VDAC3: variants seen among roughly 807,000 people sequenced by gnomAD.
VDAC3 encodes the protein non-selective voltage-gated ion channel VDAC3.
In VDAC3, 7 loss-of-function variants were observed where a neutral mutation model predicts 33.9. The observed-to-expected ratio is 0.21, with a 90% CI of 0.12 to 0.39. The LOEUF (loss-of-function observed/expected upper bound fraction) is 0.39. VDAC3 is among the 10% of genes least tolerant of loss of function. The pLI is 1.00. For missense variants in VDAC3, 261 were observed against 334.5 expected, an observed-to-expected ratio of 0.78 and a Z score of 1.71; for synonymous variants, 100 against 122.4, an observed-to-expected ratio of 0.82 and a Z score of 1.21.
intron 8 of VDAC3, among the ~76,000 whole-genome samples, chr8:42,404,279 G>A (rs1585954232): frequency 6.6e-6 from 1 of 152,150 alleles, no homozygotes; most frequent in Non-Finnish European, 1.5e-5. Context: ...TGTCACCCAA[G>A]TTCATGCCGT....
At chr8:42,402,702 A>C (rs1802435965) in intron 7 of VDAC3, among the ~76,000 whole-genome samples, 1 of 152,254 alleles carries the variant, frequency 6.6e-6, no homozygotes, top group Non-Finnish European at 1.5e-5. Flanking sequence ...TAATTTACTT[A>C]TGATGGCTAA....
At chr8:42,394,399 A>G in intron 3 of VDAC3, 121 bp downstream of exon 3, 1 of 870,692 alleles carries the variant, frequency 1.1e-6, no homozygotes, top group Non-Finnish European at 1.8e-6. Flanking sequence ...CACAAGATTT[A>G]AGGGGATAAC....
intron 3 of VDAC3, among the ~76,000 whole-genome samples, chr8:42,394,488 A>C (rs1474805784): frequency 6.6e-6 from 1 of 152,218 alleles, no homozygotes; most frequent in Non-Finnish European, 1.5e-5. Flanking sequence ...ACATATACAG[A>C]TGCATATACA....
At chr8:42,393,519 T>A (rs1802247528) in intron 1 of VDAC3, among the ~76,000 whole-genome samples, 2 of 152,202 alleles carry the variant, frequency 1.3e-5, no homozygotes. Context: ...ATATTACCAG[T>A]AGCAAAGCTG....
chr8:42,399,697 A>G lies in VDAC3; in HGVS notation c.317A>G (p.Asn106Ser). 1 of 1,612,008 alleles carries G rather than the reference A, an allele frequency of 6.2e-7. No individual in the cohort carries two copies. The highest frequency in any genetic ancestry group is 1.3e-5 in the African/African-American group (1 of 75,014). The change falls in exon 6 of 10, where the codon AAC becomes AGC. Residue 106 changes from asparagine to serine, a missense_variant. Transcript: ENST00000022615. ...ACTCTTGATACCATATTTGTACCGA[A>G]CACAGGGTAATTATTCAAATCCCAT... ...KLTLDTIFVPNTGKKSGKLKA... is the reference protein window; with the variant it reads ...KLTLDTIFVPSTGKKSGKLKA...
At chr8:42,403,226 T>TA (rs1802447623) in intron 7 of VDAC3, 85 bp from the exon 8 acceptor site, 1 of 1,504,266 alleles carries the variant, frequency 6.6e-7, no homozygotes, top group Admixed American at 2.0e-5. Flanking sequence ...GATCCTTGTT[T>TA]AGATAGTCTT....
At chr8:42,392,247 A>G (rs567599259) in intron 1 of VDAC3, among the ~76,000 whole-genome samples, 1 of 152,130 alleles carries the variant, frequency 6.6e-6, no homozygotes, top group East Asian at 1.9e-4. Context: ...CGAACCCCAC[A>G]CCCATCTCCC....
chr8:42,402,409 G>C (rs1404382075), intron 7 of VDAC3, among the ~76,000 whole-genome samples: 2 of 152,158 alleles, frequency 1.3e-5, no homozygotes, highest in African/African-American at 4.8e-5. Flanking sequence ...CCACCAAATT[G>C]ATCTGAGCAT....
At chr8:42,405,289 T>C in intron 9 of VDAC3, 82 bp from the exon 10 acceptor site, 1 of 1,165,624 alleles carries the variant, frequency 8.6e-7, no homozygotes. Context: ...TCCACACCAT[T>C]GATTCCATCT....
Position 42,394,230 on chromosome 8 carries a change from T to C in VDAC3, c.19T>C (p.Tyr7His). 1.2e-6 allele frequency: 2 copies of C among 1,613,828 alleles called. No homozygotes were observed. The highest frequency in any genetic ancestry group is 1.7e-6 in the Non-Finnish European group (2 of 1,179,820). ...ATAAGATATGTGTAACACACCAACG[T>C]ACTGTGACCTAGGAAAGGCTGCTAA... MCNTPT[Y>H]CDLGKAAKDV... Residue 7 changes from tyrosine (Y) to histidine (H), a missense_variant, in exon 3 of 10, where the codon TAC becomes CAC. Tyr to His is a moderately conservative substitution (Grantham distance 83). Coordinates refer to ENST00000022615, the MANE Select transcript of VDAC3 (RefSeq NM_005662.7).
At position 42,400,673 on chromosome 8, in the gene VDAC3, C is replaced by CTTTTTTT. The variant is rs1188886241; in HGVS notation, c.323+988_323+994dup. Among the ~76,000 whole-genome samples, 61 of 72,310 alleles carry CTTTTTTT rather than the reference C, an allele frequency of 8.4e-4. 2 individuals are homozygous for CTTTTTTT. Among genetic ancestry groups the CTTTTTTT allele is most frequent in the Non-Finnish European group, 1.1e-3 (46 of 40,208 alleles). The allele number at this position is 72,310 out of a possible 152,430, so 47.4% of individuals were successfully genotyped here. A position where few individuals can be genotyped will look rare whatever the true frequency, so the allele number is the denominator to read the frequency against. On this transcript the variant is annotated intron_variant, in intron 6 of 9. Coordinates refer to ENST00000022615, the MANE Select transcript of VDAC3 (RefSeq NM_005662.7). ...TTATCTTTAGGACAAATATTCTTTTCTTTTTTTTTTTTTTTTTTTTTTTTG... is the reference window on the plus strand; with the variant it reads ...TTATCTTTAGGACAAATATTCTTTTCTTTTTTTTTTTTTTTTTTTTTTTTTTTTTTTG...
intron 3 of VDAC3, 54 bp from the exon 4 acceptor site, chr8:42,395,030 T>C (rs1802280307): frequency 1.2e-6 from 2 of 1,610,050 alleles, no homozygotes; most frequent in African/African-American, 2.7e-5. Flanking sequence ...TTGCAAAAAC[T>C]AGTGAATGTC....
intron 7 of VDAC3, 55 bp from the exon 8 acceptor site, chr8:42,403,256 T>G: frequency 6.3e-7 from 1 of 1,596,014 alleles, no homozygotes; most frequent in Non-Finnish European, 8.5e-7. Flanking sequence ...TTTCATACCA[T>G]AATAACAATG....
intron 2 of VDAC3, 98 bp downstream of exon 2, chr8:42,393,982 T>C (rs1417248304): frequency 2.1e-6 from 1 of 472,066 alleles, no homozygotes; most frequent in Non-Finnish European, 3.8e-6. Flanking sequence ...ATCAGAAAGA[T>C]GACCTCTGAA....
intron 8 of VDAC3, among the ~76,000 whole-genome samples, chr8:42,404,215 C>T (rs1176406990): frequency 1.3e-5 from 2 of 152,142 alleles, no homozygotes; most frequent in East Asian, 3.8e-4. Flanking sequence ...AGCTAACTTG[C>T]CTAAGGTCAC....
At chr8:42,401,244 T>C (rs1308105951) in intron 6 of VDAC3, among the ~76,000 whole-genome samples, 1 of 152,180 alleles carries the variant, frequency 6.6e-6, no homozygotes, top group Non-Finnish European at 1.5e-5. Flanking sequence ...GTCGCCAGGC[T>C]GGAGTACAGT....
At chr8:42,399,437 G>A (rs772873048) in intron 5 of VDAC3, 14 of 420,844 alleles carry the variant, frequency 3.3e-5, no homozygotes, top group Non-Finnish European at 4.8e-5. Context: ...GCTAAAATAG[G>A]ATTTGCCCCA....
rs1802489474 is a variant in VDAC3, at chr8:42,405,693, C to T, written c.*231C>T. The T allele has an allele frequency of 2.1e-6, 1 of 472,944 alleles. No individual in the cohort carries two copies. Among genetic ancestry groups the T allele is most frequent in the African/African-American group, 2.0e-5 (1 of 51,060 alleles). 29.3% of individuals were successfully genotyped at this position (472,944 alleles called of 1,614,324 possible). A position where few individuals can be genotyped will look rare whatever the true frequency, so the allele number is the denominator to read the frequency against. ...GTTTGTGCCACGTTTCAGTTCAGTT[C>T]TGAAGTGTTATTAAATGTGTTCCTC... On this transcript the variant is annotated 3_prime_UTR_variant, in exon 10 of 10. Transcript: ENST00000022615.
chr8:42,398,048 C>T (rs1726755387), intron 4 of VDAC3, among the ~76,000 whole-genome samples: 2 of 152,146 alleles, frequency 1.3e-5, no homozygotes, highest in Non-Finnish European at 2.9e-5. Context: ...TTGAAATTAA[C>T]TGATAGTTTG....
Sources: gnomAD v4.1 joint callset for allele counts (sites outside exome capture counted in the v4.1 genomes callset) on GRCh38, gnomAD v4.1.1 for gene constraint, MANE v1.5 for transcripts, NCBI Gene and HGNC (gene_info 2026-07-23, HGNC 2026-07-21) for gene names.